Variants in HDAC4 observed in about 807,000 individuals in gnomAD.
HDAC4 encodes histone deacetylase A.
Under a neutral mutation model 135.1 loss-of-function variants are expected in HDAC4, and 16 were observed. The ratio of observed to expected loss-of-function variants is 0.12; its 90% CI spans 0.08 to 0.18. HDAC4 has a LOEUF of 0.18. HDAC4 is among the 10% of genes least tolerant of loss of function. The probability of loss-of-function intolerance (pLI) is 1.00; values close to 1 mark genes in which losing one functional copy is unlikely to be tolerated. For synonymous variants in HDAC4, 685 were observed against 653.4 expected (o/e 1.05, Z -0.74); for missense variants, 1,143 against 1,511.8 (o/e 0.76, Z 4.05).
chr2:239,119,488 A>G (rs3791432), intron 12 of HDAC4, among the ~76,000 whole-genome samples: 112,734 of 151,618 alleles, frequency 0.74, 43,377 homozygotes, highest in South Asian at 0.9. Context: ...TGCGGGGACC[A>G]GAGCTCAGGG....
At chr2:239,226,961 G>C (rs1023306742) in intron 3 of HDAC4, among the ~76,000 whole-genome samples, 1 of 152,240 alleles carries the variant, frequency 6.6e-6, no homozygotes, top group Non-Finnish European at 1.5e-5. Flanking sequence ...CTGAAACAGT[G>C]TGTGGATTGT....
chr2:239,131,270 ACAGAGGCCTC>A (rs934932311), intron 11 of HDAC4, among the ~76,000 whole-genome samples: 3 of 152,130 alleles, frequency 2.0e-5, no homozygotes, highest in African/African-American at 7.2e-5. Context: ...GACCTCACCC[ACAGAGGCCTC>A]TGTTTCAAAG....
At chr2:239,104,590 GTGGCCAGGGCCAAGTTCCCTC>G (rs1312632311) in intron 15 of HDAC4, among the ~76,000 whole-genome samples, 9 of 152,240 alleles carry the variant, frequency 5.9e-5, no homozygotes, top group Non-Finnish European at 1.2e-4. Context: ...ACAGGCAGCT[GTGGCCAGGGCCAAGTTCCCTC>G]TGGACAGACG....
intron 4 of HDAC4, among the ~76,000 whole-genome samples, chr2:239,189,536 C>G (rs900583938): frequency 6.6e-6 from 1 of 152,234 alleles, no homozygotes; most frequent in African/African-American, 2.4e-5. Flanking sequence ...GGTAGCTTTT[C>G]TATTTCTGAG....
intron 8 of HDAC4, chr2:239,140,912 C>A (rs1393184844): frequency 2.2e-6 from 1 of 459,506 alleles, no homozygotes; most frequent in Non-Finnish European, 4.5e-6. Context: ...GGTGACTCTG[C>A]AAATATAGCC....
chr2:239,277,825 A>T (rs1027758929), intron 2 of HDAC4, among the ~76,000 whole-genome samples: 1 of 152,298 alleles, frequency 6.6e-6, no homozygotes, highest in African/African-American at 2.4e-5. Context: ...AGCAGTTCCT[A>T]CTACTCAGGT....
At chr2:239,158,414 T>C (rs1274474397) in intron 6 of HDAC4, among the ~76,000 whole-genome samples, 2 of 152,202 alleles carry the variant, frequency 1.3e-5, no homozygotes, top group Non-Finnish European at 2.9e-5. Flanking sequence ...AAAATTATTA[T>C]ATTTGAACGG....
intron 3 of HDAC4, among the ~76,000 whole-genome samples, chr2:239,205,977 G>A (rs1269650667): frequency 6.6e-6 from 1 of 152,152 alleles, no homozygotes; most frequent in African/African-American, 2.4e-5. Context: ...GTCAGGTTGG[G>A]GCAGGATCCA....
At chr2:239,083,306 T>C (rs1258234267) in intron 20 of HDAC4, among the ~76,000 whole-genome samples, 1 of 152,234 alleles carries the variant, frequency 6.6e-6, no homozygotes, top group African/African-American at 2.4e-5. Context: ...CACTCCTACC[T>C]GCTCCCTTAG....
chr2:239,076,973 C>G (rs2034828723), intron 22 of HDAC4, among the ~76,000 whole-genome samples: 7 of 152,138 alleles, frequency 4.6e-5, no homozygotes, highest in Admixed American at 4.6e-4. Flanking sequence ...CCCCTCAATC[C>G]CATCTCACTT....
chr2:239,253,923 C>G (rs1401012239), intron 2 of HDAC4, among the ~76,000 whole-genome samples: 1 of 152,104 alleles, frequency 6.6e-6, no homozygotes, highest in Non-Finnish European at 1.5e-5. Context: ...AACTGAGACC[C>G]TGTGTCCGGG....
intron 6 of HDAC4, among the ~76,000 whole-genome samples, chr2:239,157,307 C>T (rs1379203095): frequency 1.3e-5 from 2 of 152,100 alleles, no homozygotes; most frequent in Non-Finnish European, 2.9e-5. Context: ...AGAAGGCACC[C>T]ATCGTCATCC....
chr2:239,343,411 G>C (rs942543884), intron 2 of HDAC4, among the ~76,000 whole-genome samples: 1 of 152,200 alleles, frequency 6.6e-6, no homozygotes, highest in Non-Finnish European at 1.5e-5. Context: ...TTCACAAAAA[G>C]ACAGAGGAAG....
Position 239,070,564 on chromosome 2 carries a change from C to A in HDAC4, c.2751-1957G>T, listed in dbSNP as rs549743544. On this transcript the variant is annotated intron_variant, in intron 22 of 26. Transcript: ENST00000543185. The stretch of plus-strand genomic sequence containing the variant: ...CTGCCGCCTTCGATCCTGAGTTAAT[C>A]ACCACCACTGACTTTCAAAGTCTCC... Among the ~76,000 whole-genome samples, 4 of 152,330 alleles carry A rather than the reference C, an allele frequency of 2.6e-5. No individual in the cohort carries two copies. The South Asian group carries it at 6.2e-4, about 24-fold the overall frequency.
intron 2 of HDAC4, among the ~76,000 whole-genome samples, chr2:239,340,257 C>A (rs1026756903): frequency 6.6e-6 from 1 of 152,226 alleles, no homozygotes; most frequent in Non-Finnish European, 1.5e-5. Flanking sequence ...CAGCCCCACC[C>A]GTCTTCCTGA....
Position 239,119,656 on chromosome 2 carries a change from A to AAGGGCTGAGGACACGGAGATGGGAGCTC in HDAC4, c.1534-4374_1534-4347dup, listed in dbSNP as rs1317526118. ...GGCTGAGGGTGCGGGGACCAGACCT[A>AAGGGCTGAGGACACGGAGATGGGAGCTC]AGGGCTGAGGACACGGAGATGGGAG... On this transcript the variant is annotated intron_variant, in intron 12 of 26. Transcript: ENST00000543185. Among the ~76,000 whole-genome samples the AAGGGCTGAGGACACGGAGATGGGAGCTC allele has an allele frequency of 5.9e-5, 9 of 151,624 alleles. No individual in the cohort carries two copies. In the East Asian group the frequency reaches 1.8e-3, roughly 30 times the overall value.
chr2:239,206,159 C>T (rs906876904), intron 3 of HDAC4, among the ~76,000 whole-genome samples: 5 of 152,130 alleles, frequency 3.3e-5, no homozygotes, highest in African/African-American at 1.2e-4. Context: ...AAAACCCCAT[C>T]TCTACAAAAG....
chr2:239,397,016 G>A (rs1280989327), intron 1 of HDAC4, among the ~76,000 whole-genome samples: 1 of 152,254 alleles, frequency 6.6e-6, no homozygotes, highest in African/African-American at 2.4e-5. Flanking sequence ...GCATGAGAAA[G>A]CCAGAAGTAC....
intron 2 of HDAC4, among the ~76,000 whole-genome samples, chr2:239,319,434 C>A (rs546735486): frequency 3.4e-4 from 52 of 152,386 alleles, no homozygotes; most frequent in African/African-American, 1.3e-3. Flanking sequence ...GGCGGTCAGG[C>A]ACAGGCCAGG....
Sources: allele counts gnomAD v4.1 joint callset (sites outside exome capture counted in the v4.1 genomes callset), GRCh38; gene constraint gnomAD v4.1.1; transcripts MANE v1.5; gene names NCBI Gene and HGNC (gene_info 2026-07-23, HGNC 2026-07-21).